CHRM5: variants seen among roughly 807,000 people sequenced by gnomAD.
The protein encoded by CHRM5 is muscarinic acetylcholine receptor M5.
A neutral mutation model predicts 39.0 loss-of-function variants in CHRM5; 18 were observed. The observed-to-expected ratio is 0.46, with a 90% CI of 0.32 to 0.68. The LOEUF is 0.68. CHRM5 is among the 30% of genes least tolerant of loss of function. CHRM5 has a pLI of 0.04. For synonymous variants in CHRM5, 241 were observed against 246.3 expected, an observed-to-expected ratio of 0.98 and a Z score of 0.20; for missense variants, 515 against 651.1, an observed-to-expected ratio of 0.79 and a Z score of 2.28.
chr15:34,063,496 C>T lies in CHRM5; in HGVS notation c.779C>T (p.Thr260Ile), dbSNP rs1470076996. 6.2e-7 allele frequency: 1 copy of T among 1,613,876 alleles called. No individual in the cohort carries two copies. Among genetic ancestry groups the T allele is most frequent in the Non-Finnish European group, 8.5e-7 (1 of 1,180,038 alleles). ...TCCTGCTTGCGCTGTCCTCGACCCA[C>T]CCTGGCCCAGCGGGAAAGGAACCAG... ...FRSCLRCPRP[T>I]LAQRERNQAS... Residue 260 changes from threonine (T) to isoleucine (I), a missense_variant, in exon 3 of 3, where the codon ACC becomes ATC. Physicochemically the swap from Thr to Ile is moderately conservative, Grantham distance 89 (BLOSUM62 -1). Transcript: ENST00000383263. This position sits in a 1 kb window ranked among gnomAD's most constrained non-coding sequence, Gnocchi z 4.1.
chr15:34,051,022 C>A (rs1899909941), intron 2 of CHRM5, among the ~76,000 whole-genome samples: 1 of 152,210 alleles, frequency 6.6e-6, no homozygotes, highest in African/African-American at 2.4e-5. Flanking sequence ...TTATAGAACT[C>A]TCCACCCCAA....
At chr15:34,060,282 T>G (rs1567492928) in intron 2 of CHRM5, among the ~76,000 whole-genome samples, 1 of 152,140 alleles carries the variant, frequency 6.6e-6, no homozygotes, top group Non-Finnish European at 1.5e-5. Context: ...TCTTCGTGGG[T>G]CAGTTAGACT....
intron 1 of CHRM5, among the ~76,000 whole-genome samples, chr15:33,988,933 C>T (rs1286400369): frequency 6.6e-6 from 1 of 152,186 alleles, no homozygotes; most frequent in African/African-American, 2.4e-5. Flanking sequence ...ATCTAAATCC[C>T]CTGTATTTTA....
intron 1 of CHRM5, among the ~76,000 whole-genome samples, chr15:33,977,909 C>G (rs1253686152): frequency 6.6e-6 from 1 of 150,854 alleles, no homozygotes; most frequent in Non-Finnish European, 1.5e-5. Flanking sequence ...TGCACTCCAG[C>G]CTGGGTGACA....
intron 1 of CHRM5, among the ~76,000 whole-genome samples, chr15:34,001,707 G>A (rs1897144753): frequency 8.3e-5 from 1 of 11,982 alleles, no homozygotes; most frequent in South Asian, 0.083. Flanking sequence ...AATCATCTAC[G>A]GTAATGACGA....
chr15:34,041,295 T>C (rs1485015058), intron 1 of CHRM5, among the ~76,000 whole-genome samples: 1 of 152,154 alleles, frequency 6.6e-6, no homozygotes, highest in Non-Finnish European at 1.5e-5. Flanking sequence ...CACAGATAGA[T>C]TGGTGCAAAA....
chr15:34,045,973 T>C (rs1899667068), intron 1 of CHRM5, among the ~76,000 whole-genome samples: 1 of 152,178 alleles, frequency 6.6e-6, no homozygotes, highest in African/African-American at 2.4e-5. Context: ...TACTGCTCTC[T>C]CTTAATGCTG....
chr15:34,046,343 G>GAAAAA (rs56286203), intron 1 of CHRM5, among the ~76,000 whole-genome samples, 197 bp from the exon 2 acceptor site: 1 of 141,430 alleles, frequency 7.1e-6, no homozygotes, highest in Non-Finnish European at 1.5e-5. Context: ...AGTGAGGCAG[G>GAAAAA]AAAAAAAAAA....
intron 1 of CHRM5, among the ~76,000 whole-genome samples, chr15:33,996,878 G>A (rs2140596739): frequency 6.6e-6 from 1 of 152,314 alleles, no homozygotes; most frequent in African/African-American, 2.4e-5. Flanking sequence ...ACAGAAGTAG[G>A]CTTCGGAAGG....
At chr15:34,030,825 C>T (rs1364055614) in intron 1 of CHRM5, among the ~76,000 whole-genome samples, 1 of 151,642 alleles carries the variant, frequency 6.6e-6, no homozygotes, top group Non-Finnish European at 1.5e-5. Flanking sequence ...GCTTTGTTGC[C>T]CAGGCTGGTC....
chr15:34,029,001 A>G (rs72718678), intron 1 of CHRM5, among the ~76,000 whole-genome samples: 23,153 of 152,136 alleles, frequency 0.15, 2,115 homozygotes, highest in Middle Eastern at 0.28. Context: ...TTTATTTACT[A>G]CCTTGAAATA....
chr15:33,984,313 G>A (rs997973413), intron 1 of CHRM5, among the ~76,000 whole-genome samples: 10 of 151,830 alleles, frequency 6.6e-5, no homozygotes, highest in African/African-American at 2.4e-4. Flanking sequence ...ATAAGTAATT[G>A]GACCTTAATG....
At chr15:34,019,224 T>C (rs1898100713) in intron 1 of CHRM5, among the ~76,000 whole-genome samples, 1 of 152,232 alleles carries the variant, frequency 6.6e-6, no homozygotes, top group South Asian at 2.1e-4. Flanking sequence ...CCTAGGCTAA[T>C]GGATGTAATT....
chr15:34,032,417 T>A (rs992745612), intron 1 of CHRM5, among the ~76,000 whole-genome samples: 39 of 152,182 alleles, frequency 2.6e-4, no homozygotes, highest in African/African-American at 8.2e-4. Context: ...TATCGATTTA[T>A]GAGCGAGCTA....
intron 1 of CHRM5, among the ~76,000 whole-genome samples, chr15:33,998,638 A>G (rs1420634032): frequency 6.6e-6 from 1 of 152,168 alleles, no homozygotes; most frequent in African/African-American, 2.4e-5. Context: ...CCACCACTCC[A>G]ACAAAACTGC....
Position 34,063,953 on chromosome 15 carries a change from A to G in CHRM5, c.1236A>G (p.Glu412=), listed in dbSNP as rs1900438591. Residue 412 remains glutamate (E), a synonymous_variant, in exon 3 of 3, where the codon GAA becomes GAG. Transcript: ENST00000383263. The surrounding 1 kb of genome is among the most constrained non-coding windows in gnomAD (Gnocchi z 4.1). ...IMPCPFPVAK[E]PSTKGLNPNP... ...CCTGCCCCTTCCCAGTGGCCAAGGA[A>G]CCTTCAACGAAAGGCCTCAATCCCA... The G allele has an allele frequency of 1.2e-6, 2 of 1,614,134 alleles. No individual in the cohort carries two copies. The highest frequency in any genetic ancestry group is 2.2e-5 in the East Asian group (1 of 44,872).
rs886640378 is a variant in CHRM5, at chr15:33,979,514, A to G, written c.-408+10364A>G. 3.9e-5 allele frequency among the ~76,000 whole-genome samples: 6 copies of G among 152,330 alleles called. No homozygotes were observed. The South Asian group carries it at 1.0e-3, about 26-fold the overall frequency. On this transcript the variant is annotated intron_variant, in intron 1 of 2. Coordinates refer to ENST00000383263, the MANE Select transcript of CHRM5 (RefSeq NM_012125.4). ...ACAAGCAAGCAAATAAAACTGCACT[A>G]TTTATGAACCTACAGAAAACACTCT...
rs774098229 is a variant in CHRM5, at chr15:34,062,867, G to C, written c.150G>C (p.Leu50Phe). 11 of 1,614,166 alleles carry C rather than the reference G, an allele frequency of 6.8e-6. No homozygotes were observed. The highest frequency in any genetic ancestry group is 4.5e-5 in the East Asian group (2 of 44,880). ...VSLITIVGNV[L>F]VMISFKVNSQ... ...TGATCACCATTGTGGGCAATGTCTT[G>C]GTCATGATCTCCTTCAAAGTCAACA... Residue 50 changes from leucine to phenylalanine, a missense_variant, in exon 3 of 3, where the codon TTG becomes TTC. Coordinates refer to ENST00000383263, the MANE Select transcript of CHRM5 (RefSeq NM_012125.4).
At chr15:34,008,214 A>T (rs1897449223) in intron 1 of CHRM5, among the ~76,000 whole-genome samples, 1 of 152,054 alleles carries the variant, frequency 6.6e-6, no homozygotes, top group South Asian at 2.1e-4. Flanking sequence ...TGAGGCCAGG[A>T]GTTCAAGACC....
Sources: gnomAD v4.1 joint callset for allele counts (sites outside exome capture counted in the v4.1 genomes callset) on GRCh38, gnomAD v4.1.1 for gene constraint, Gnocchi (gnomAD v3.1) non-coding constraint, MANE v1.5 for transcripts, NCBI Gene and HGNC (gene_info 2026-07-23, HGNC 2026-07-21) for gene names.